Variants in CCDC187 observed in about 807,000 individuals in gnomAD.
CCDC187 encodes coiled-coil domain-containing protein 187.
In CCDC187, 32 loss-of-function variants were observed where a neutral mutation model predicts 38.0. That is an observed-to-expected ratio of 0.84 (90% CI 0.64 to 1.13). The LOEUF (loss-of-function observed/expected upper bound fraction) is 1.13. CCDC187 is among the 50% of genes most tolerant of loss of function. CCDC187 has a pLI of 0.00. For synonymous variants in CCDC187, 333 were observed against 347.9 expected, an observed-to-expected ratio of 0.96 and a Z score of 0.48; for missense variants, 707 against 786.8, an observed-to-expected ratio of 0.90 and a Z score of 1.21.
In CCDC187 at chr9:136,257,366, G is replaced by A. The variant is rs1250665728; in HGVS notation, c.4367-525C>T. Among the ~76,000 whole-genome samples, 1 of 137,580 alleles carries A rather than the reference G, an allele frequency of 7.3e-6. No individual in the cohort carries two copies. Among genetic ancestry groups the A allele is most frequent in the Admixed American group, 7.6e-5 (1 of 13,142 alleles). The allele number at this position is 137,580 out of a possible 152,430, so 90.3% of individuals were successfully genotyped here. A position where few individuals can be genotyped will look rare whatever the true frequency, so the allele number is the denominator to read the frequency against. On this transcript the variant is annotated intron_variant, in intron 22 of 25. Transcript: ENST00000638797. This position sits in a 1 kb window ranked among gnomAD's most constrained non-coding sequence, Gnocchi z 4.5. ...CCAGCTGGGGAGAGAGTGAGACTTT[G>A]TCTCAAAATTATAATAATAATAATA...
intron 4 of CCDC187, among the ~76,000 whole-genome samples, chr9:136,293,528 CGCTTACACACTCACACTG>C (rs1831434448): frequency 7.0e-6 from 1 of 142,696 alleles, no homozygotes; most frequent in African/African-American, 2.6e-5. Flanking sequence ...CTCACATACA[CGCTTACACACTCACACTG>C]ACATGCTCAC....
rs1554759183 is a variant in CCDC187, at chr9:136,250,692, C to T, written c.*2902G>A. 2 of 454,970 alleles carry T rather than the reference C, an allele frequency of 4.4e-6. No individual in the cohort carries two copies. Among genetic ancestry groups the T allele is most frequent in the African/African-American group, 2.0e-5 (1 of 50,086 alleles). 28.2% of individuals were successfully genotyped at this position (454,970 alleles called of 1,614,324 possible). On this transcript the variant is annotated 3_prime_UTR_variant, in exon 26 of 26. Coordinates refer to ENST00000638797, the MANE Select transcript of CCDC187 (RefSeq NM_001378188.1). ...CACTGGATCCAAACATCTGCATTCT[C>T]AGGTGGGCTGGGCAGGAGCTGGTGC... is the stretch of plus-strand genomic sequence containing the variant.
chr9:136,260,757 G>A (rs989445126), intron 19 of CCDC187, among the ~76,000 whole-genome samples: 7 of 152,180 alleles, frequency 4.6e-5, no homozygotes, highest in African/African-American at 1.4e-4. Flanking sequence ...ATTTCCCCCC[G>A]GATTCACAGA....
At chr9:136,285,200 C>A (rs969758394) in intron 9 of CCDC187, among the ~76,000 whole-genome samples, 2 of 152,114 alleles carry the variant, frequency 1.3e-5, no homozygotes, top group Non-Finnish European at 2.9e-5. Context: ...ACTGTCCCTG[C>A]ACTCAGTCTG....
chr9:136,273,775 G>C (rs1830879630), intron 14 of CCDC187, among the ~76,000 whole-genome samples: 1 of 152,218 alleles, frequency 6.6e-6, no homozygotes, highest in Non-Finnish European at 1.5e-5. Context: ...TGGACATTAC[G>C]AGGTTCACAC....
chr9:136,264,762 T>G lies in CCDC187; in HGVS notation c.3736-964A>C, dbSNP rs782622153. ...AAGTAGTCCCCCACCCCAGCTCACCTTTTTTTTTTTTGAAACAAGGTCTCA... is the reference window on the plus strand; with the variant it reads ...AAGTAGTCCCCCACCCCAGCTCACCGTTTTTTTTTTTGAAACAAGGTCTCA... On this transcript the variant is annotated intron_variant, in intron 17 of 25. Transcript: ENST00000638797. The surrounding 1 kb of genome is among the most constrained non-coding windows in gnomAD (Gnocchi z 4.3). 9.2e-6 allele frequency among the ~76,000 whole-genome samples: 1 copy of G among 108,938 alleles called. No individual in the cohort carries two copies. The highest frequency in any genetic ancestry group is 3.1e-5 in the African/African-American group (1 of 32,002). 71.5% of individuals were successfully genotyped at this position (108,938 alleles called of 152,430 possible). A position where few individuals can be genotyped will look rare whatever the true frequency, so the allele number is the denominator to read the frequency against.
chr9:136,292,742 C>T (rs1275880172), intron 4 of CCDC187, among the ~76,000 whole-genome samples: 1 of 152,210 alleles, frequency 6.6e-6, no homozygotes, highest in African/African-American at 2.4e-5. Context: ...CCGCGCAGCA[C>T]GGGAGGTCCT....
intron 7 of CCDC187, among the ~76,000 whole-genome samples, chr9:136,287,724 G>A (rs1252084009): frequency 2.0e-5 from 3 of 152,228 alleles, no homozygotes; most frequent in Admixed American, 1.3e-4. Context: ...GGACAAGCAT[G>A]GCGTGTTCCT....
At chr9:136,262,872 T>G (rs1336952034) in intron 18 of CCDC187, among the ~76,000 whole-genome samples, 1 of 152,066 alleles carries the variant, frequency 6.6e-6, no homozygotes, top group Non-Finnish European at 1.5e-5. Context: ...GGAAGGCACA[T>G]AGCTTGCCTG....
In CCDC187 at chr9:136,293,445, ACACATGCT is replaced by A. The variant is rs1259766448; in HGVS notation, c.833-1158_833-1151del. Among the ~76,000 whole-genome samples the A allele has an allele frequency of 4.8e-5, 3 of 62,268 alleles. 1 individual carries two copies. The highest frequency in any genetic ancestry group is 1.1e-4 in the Non-Finnish European group (3 of 28,208). The allele number at this position is 62,268 out of a possible 152,430, so 40.9% of individuals were successfully genotyped here. A position where few individuals can be genotyped will look rare whatever the true frequency, so the allele number is the denominator to read the frequency against. ...CATACTCTCACATGCTCACACACTC[ACACATGCT>A]CACACTCACACTCACATGCTCACAC... On this transcript the variant is annotated intron_variant, in intron 4 of 25. Coordinates refer to ENST00000638797, the MANE Select transcript of CCDC187 (RefSeq NM_001378188.1).
chr9:136,293,373 A>G (rs1176554630), intron 4 of CCDC187, among the ~76,000 whole-genome samples: 2 of 138,950 alleles, frequency 1.4e-5, no homozygotes, highest in Admixed American at 7.2e-5. Context: ...ACATGCTCAC[A>G]CACTCACACT....
At chr9:136,294,072 TCA>T (rs1380131188) in intron 4 of CCDC187, among the ~76,000 whole-genome samples, 6 of 75,536 alleles carry the variant, frequency 7.9e-5, no homozygotes, top group Non-Finnish European at 1.4e-4. Flanking sequence ...TCTCACACAC[TCA>T]CACGCTCATA....
intron 18 of CCDC187, among the ~76,000 whole-genome samples, 154 bp downstream of exon 18, chr9:136,263,468 T>C (rs1554761239): frequency 2.6e-5 from 4 of 152,096 alleles, no homozygotes; most frequent in African/African-American, 7.2e-5. Context: ...TCTCCTGACC[T>C]CGTGATCCAC....
rs1831177713 is a variant in CCDC187, at chr9:136,286,274, T to C, written c.2644A>G (p.Thr882Ala). The C allele has an allele frequency of 2.5e-6, 1 of 398,424 alleles. No individual in the cohort carries two copies. The highest frequency in any genetic ancestry group is 4.4e-6 in the Non-Finnish European group (1 of 226,014). The allele number at this position is 398,424 out of a possible 1,614,324, so 24.7% of individuals were successfully genotyped here. A position where few individuals can be genotyped will look rare whatever the true frequency, so the allele number is the denominator to read the frequency against. ...CCCAAGGCTCCAGGGCAGGCTGGGG[T>C]GGCAAGCGTGGGGGTGGCGAGCGTG... is the stretch of plus-strand genomic sequence containing the variant. ...APTLATPTLA[T>A]PACPGALGPN... Residue 882 changes from threonine (T) to alanine (A), a missense_variant, in exon 8 of 26, where the codon ACC (threonine) becomes GCC (alanine). Transcript: ENST00000638797.
At position 136,303,803 on chromosome 9, in the gene CCDC187, G is replaced by A. The variant is rs1831749640; in HGVS notation, c.28C>T (p.Pro10Ser). The change falls in exon 1 of 26, where the codon CCC becomes TCC. Residue 10 changes from proline (P) to serine (S), a missense_variant. Coordinates refer to ENST00000638797, the MANE Select transcript of CCDC187 (RefSeq NM_001378188.1). The stretch of plus-strand genomic sequence containing the variant: ...TGAGGTGTGTCCCCCAGGCAGGTGG[G>A]CGGCGTGCCCACGACCAGGGTCGGC... MPTLVVGTP[P>S]TCLGDTPQPC... 6.6e-6 allele frequency: 1 copy of A among 152,394 alleles called. No homozygotes were observed. Among genetic ancestry groups the A allele is most frequent in the African/African-American group, 2.4e-5 (1 of 41,470 alleles). 9.4% of individuals were successfully genotyped at this position (152,394 alleles called of 1,614,324 possible).
rs1235647477 is a variant in CCDC187, at chr9:136,293,455, ACACTCACACT to A, written c.833-1170_833-1161del. Among the ~76,000 whole-genome samples the A allele has an allele frequency of 3.1e-5, 4 of 130,844 alleles. 1 individual carries two copies. Among genetic ancestry groups the A allele is most frequent in the African/African-American group, 1.2e-4 (4 of 32,012 alleles). 85.8% of individuals were successfully genotyped at this position (130,844 alleles called of 152,430 possible). Reference sequence around the variant, plus strand: ...CATGCTCACACACTCACACATGCTCACACTCACACTCACATGCTCACACACTCACAAACAC... The same window carrying A: ...CATGCTCACACACTCACACATGCTCACACATGCTCACACACTCACAAACAC... On this transcript the variant is annotated intron_variant, in intron 4 of 25. Transcript: ENST00000638797.
At chr9:136,300,991 C>T (rs956830162) in intron 2 of CCDC187, among the ~76,000 whole-genome samples, 370 of 152,344 alleles carry the variant, frequency 2.4e-3, no homozygotes, top group African/African-American at 8.6e-3. Flanking sequence ...GCGCTTGGCA[C>T]GACGCAGGCA....
At chr9:136,270,309 G>T (rs1830819243) in intron 14 of CCDC187, among the ~76,000 whole-genome samples, 1 of 152,192 alleles carries the variant, frequency 6.6e-6, no homozygotes, top group Non-Finnish European at 1.5e-5. Context: ...CATATTTATT[G>T]TATACAAGAC....
At chr9:136,305,325 C>T (rs1461427853), upstream of CCDC187, among the ~76,000 whole-genome samples, 18 of 152,186 alleles carry the variant, frequency 1.2e-4, no homozygotes, top group Non-Finnish European at 2.1e-4. Context: ...AGGGAACCAG[C>T]GGTGTGACCA....
Sources: gnomAD v4.1 joint callset for allele counts (sites outside exome capture counted in the v4.1 genomes callset) on GRCh38, gnomAD v4.1.1 for gene constraint, Gnocchi (gnomAD v3.1) non-coding constraint, MANE v1.5 for transcripts, NCBI Gene and HGNC (gene_info 2026-07-23, HGNC 2026-07-21) for gene names.